The following SENP6 variants were observed in gnomAD, a reference collection of about 807,000 sequenced individuals.
SENP6 encodes the protein sentrin-specific protease 6.
In SENP6, 41 loss-of-function variants were observed where a neutral mutation model predicts 134.5. The observed-to-expected ratio is 0.30, with a 90% CI of 0.24 to 0.40. The LOEUF (loss-of-function observed/expected upper bound fraction) is 0.40. SENP6 is among the 10% of genes least tolerant of loss of function. The probability of loss-of-function intolerance (pLI) is 1.00; values close to 1 mark genes in which losing one functional copy is unlikely to be tolerated. For synonymous variants in SENP6, 395 were observed against 429.8 expected (o/e 0.92, Z 1.00); for missense variants, 1,248 against 1,312.5 (o/e 0.95, Z 0.76).
At chr6:75,691,185 C>G (rs975418546) in intron 16 of SENP6, among the ~76,000 whole-genome samples, 1 of 149,290 alleles carries the variant, frequency 6.7e-6, no homozygotes, top group Non-Finnish European at 1.5e-5. Flanking sequence ...CTTTGTCGTT[C>G]AGGTTGGAGA....
chr6:75,668,764 G>A (rs1292826631), intron 10 of SENP6, among the ~76,000 whole-genome samples: 3 of 152,224 alleles, frequency 2.0e-5, no homozygotes, highest in Non-Finnish European at 4.4e-5. Flanking sequence ...TCCAGCATAT[G>A]AGTTCAGTTA....
chr6:75,657,802 C>T (rs981778363), intron 7 of SENP6, among the ~76,000 whole-genome samples: 1 of 152,048 alleles, frequency 6.6e-6, no homozygotes, highest in African/African-American at 2.4e-5. Flanking sequence ...AGCTTCTTAA[C>T]AAAGAAGAGT....
intron 18 of SENP6, among the ~76,000 whole-genome samples, chr6:75,700,577 C>G (rs1410928017): frequency 6.6e-6 from 1 of 152,026 alleles, no homozygotes; most frequent in East Asian, 1.9e-4. Flanking sequence ...ATCTCCGCCT[C>G]CCAGGCTCAA....
Position 75,675,888 on chromosome 6 carries a change from A to G in SENP6, c.1455A>G (p.Ile485Met). Residue 485 changes from isoleucine to methionine, a missense_variant, in exon 13 of 24, where the codon ATA (isoleucine) becomes ATG (methionine). Coordinates refer to ENST00000447266, the MANE Select transcript of SENP6 (RefSeq NM_015571.4). Reference sequence around the variant, plus strand: ...CAGACCATGATCCTGTAGAGATTATATTAAATACCTCTGATCTAACTAAAT... The same window carrying G: ...CAGACCATGATCCTGTAGAGATTATGTTAAATACCTCTGATCTAACTAAAT... Reference protein sequence around the residue: ...DEPDHDPVEIILNTSDLTKCE... With the variant: ...DEPDHDPVEIMLNTSDLTKCE... 1 of 1,601,914 alleles carries G rather than the reference A, an allele frequency of 6.2e-7. No homozygotes were observed. The highest frequency in any genetic ancestry group is 8.5e-7 in the Non-Finnish European group (1 of 1,176,394).
chr6:75,616,745 CAA>C (rs1227499332), intron 1 of SENP6, among the ~76,000 whole-genome samples: 16 of 58,964 alleles, frequency 2.7e-4, no homozygotes, highest in Non-Finnish European at 3.5e-4. Flanking sequence ...GACTCCATCT[CAA>C]AAAAAAAAAA....
At chr6:75,610,997 G>GGGATAAAAAAAATAACAAACAGTGCTGCC (rs1554154861) in intron 1 of SENP6, 1 of 125,030 alleles carries the variant, frequency 8.0e-6, no homozygotes, top group Non-Finnish European at 1.8e-5. Flanking sequence ...AGTGGACGAC[G>GGGATAAAAAAAATAACAAACAGTGCTGCC]AGGAACTAGA....
At chr6:75,639,208 AG>A (rs1769838615) in intron 5 of SENP6, among the ~76,000 whole-genome samples, 2 of 152,338 alleles carry the variant, frequency 1.3e-5, no homozygotes, top group East Asian at 3.9e-4. Flanking sequence ...TACATAGGAT[AG>A]GACAGACTAG....
intron 6 of SENP6, among the ~76,000 whole-genome samples, chr6:75,641,294 A>C (rs1276596779): frequency 1.3e-5 from 2 of 152,234 alleles, no homozygotes; most frequent in Non-Finnish European, 2.9e-5. Flanking sequence ...CCTTTCTTTT[A>C]AAATAGAATA....
chr6:75,606,743 C>T (rs1767057870), intron 1 of SENP6, among the ~76,000 whole-genome samples: 1 of 152,002 alleles, frequency 6.6e-6, no homozygotes, highest in South Asian at 2.1e-4. Flanking sequence ...TTGGGATGCT[C>T]AGTTGGGATA....
chr6:75,698,077 C>G (rs534762098), intron 18 of SENP6: 3 of 152,356 alleles, frequency 2.0e-5, no homozygotes, highest in African/African-American at 7.2e-5. Flanking sequence ...TATTCTTTCG[C>G]TTTTCTATGC....
chr6:75,693,758 T>G (rs564909080), intron 16 of SENP6, among the ~76,000 whole-genome samples: 1 of 152,366 alleles, frequency 6.6e-6, no homozygotes, highest in African/African-American at 2.4e-5. Flanking sequence ...AAGCATTTGC[T>G]CTTTCTGTGT....
intron 21 of SENP6, among the ~76,000 whole-genome samples, chr6:75,712,233 C>A (rs1172399091): frequency 6.6e-6 from 1 of 152,100 alleles, no homozygotes. Flanking sequence ...TTACCTATTT[C>A]TAGGTTTAAT....
chr6:75,601,964 A>T lies in SENP6; in HGVS notation c.-561A>T. On this transcript the variant is annotated 5_prime_UTR_variant, in exon 1 of 24. It adds an upstream start codon to the 5' untranslated region. Transcript: ENST00000447266. ...CCCCTGTCCACATGGACAGTCGCAA[A>T]GGCCTCCGCTGATGCATTCACGCCT... 6.6e-6 allele frequency: 1 copy of T among 152,368 alleles called. No homozygotes were observed. The allele number at this position is 152,368 out of a possible 1,614,324, so 9.4% of individuals were successfully genotyped here.
At chr6:75,702,478 A>G (rs1348754007) in intron 18 of SENP6, among the ~76,000 whole-genome samples, 167 bp from the exon 19 acceptor site, 2 of 152,174 alleles carry the variant, frequency 1.3e-5, no homozygotes, top group Admixed American at 6.6e-5. Context: ...TCAGCCTCCC[A>G]AAGTGCTGGG....
At chr6:75,668,095 A>G (rs1254405552) in intron 10 of SENP6, among the ~76,000 whole-genome samples, 3 of 152,186 alleles carry the variant, frequency 2.0e-5, no homozygotes, top group African/African-American at 7.2e-5. Context: ...AAAATGAAAA[A>G]CAACAAAAGC....
chr6:75,609,805 G>A (rs1193355298), intron 1 of SENP6, among the ~76,000 whole-genome samples: 1 of 152,188 alleles, frequency 6.6e-6, no homozygotes, highest in African/African-American at 2.4e-5. Flanking sequence ...AGTAGATGGA[G>A]TCTCGGCTCC....
chr6:75,613,267 A>G (rs112770279), intron 1 of SENP6, among the ~76,000 whole-genome samples: 3 of 152,350 alleles, frequency 2.0e-5, no homozygotes, highest in African/African-American at 4.8e-5. Context: ...TGAAAATTAC[A>G]TGAAATTCAA....
intron 1 of SENP6, among the ~76,000 whole-genome samples, chr6:75,609,932 C>T (rs148244702): frequency 0.019 from 2,919 of 152,124 alleles, 52 homozygotes; most frequent in South Asian, 0.03. Context: ...GGATTACAGG[C>T]GCATACCACC....
intron 16 of SENP6, among the ~76,000 whole-genome samples, chr6:75,695,603 G>T (rs1774607360): frequency 1.3e-5 from 2 of 152,170 alleles, no homozygotes; most frequent in South Asian, 4.1e-4. Context: ...TGGGCGTGGT[G>T]GTGTGTGCCT....
Sources: allele counts gnomAD v4.1 joint callset (sites outside exome capture counted in the v4.1 genomes callset), GRCh38; gene constraint gnomAD v4.1.1; transcripts MANE v1.5; gene names NCBI Gene and HGNC (gene_info 2026-07-23, HGNC 2026-07-21).